The following DAP3 variants were observed in gnomAD, a reference collection of about 807,000 sequenced individuals.
The protein encoded by DAP3 is death associated protein 3.
A neutral mutation model predicts 51.9 loss-of-function variants in DAP3; 28 were observed. The ratio of observed to expected loss-of-function variants is 0.54; its 90% confidence interval spans 0.40 to 0.74. DAP3 has a LOEUF of 0.74. Among genes scored for constraint, DAP3 ranks in the 30% least tolerant of loss-of-function variants. The pLI, the probability that DAP3 is intolerant of heterozygous loss-of-function variation, is 0.00. For missense variants in DAP3, 458 were observed against 483.5 expected, an observed-to-expected ratio of 0.95 and a Z score of 0.49; for synonymous variants, 170 against 170.3, an observed-to-expected ratio of 1.00 and a Z score of 0.01.
Position 155,738,242 on chromosome 1 carries a change from A to AGCC in DAP3, c.*1_*3dup. ...TGGAGCGGCACTGTGCCTACCTCTA[A>AGCC]GCCAAGATCACAGCATGTGAGGAAG... On this transcript the variant is annotated 3_prime_UTR_variant, in exon 13 of 13. Coordinates refer to ENST00000368336, the MANE Select transcript of DAP3 (RefSeq NM_004632.4). 1 of 1,614,192 alleles carries AGCC rather than the reference A, an allele frequency of 6.2e-7. No homozygotes were observed. The highest frequency in any genetic ancestry group is 1.1e-5 in the South Asian group (1 of 91,080).
chr1:155,735,864 A>G (rs1169311139), intron 11 of DAP3, among the ~76,000 whole-genome samples: 1 of 119,158 alleles, frequency 8.4e-6, no homozygotes, highest in African/African-American at 3.5e-5. Context: ...TTTTTTTGAG[A>G]TGGAGTCTTG....
chr1:155,732,760 C>T (rs1237988304), intron 11 of DAP3, among the ~76,000 whole-genome samples: 1 of 152,052 alleles, frequency 6.6e-6, no homozygotes, highest in Non-Finnish European at 1.5e-5. Context: ...TGCGGTGGCT[C>T]ATGCCTGTAA....
At chr1:155,710,217 A>G (rs1194488570) in intron 2 of DAP3, 2 of 158,662 alleles carry the variant, frequency 1.3e-5, no homozygotes, top group Non-Finnish European at 2.7e-5. Context: ...TTTACCAAAT[A>G]GTTTTTCAGT....
intron 3 of DAP3, among the ~76,000 whole-genome samples, chr1:155,718,075 G>C (rs1657530192): frequency 6.6e-6 from 1 of 152,124 alleles, no homozygotes; most frequent in Admixed American, 6.6e-5. Flanking sequence ...ATCTCAGCAG[G>C]GTGTGTTTTA....
chr1:155,726,059 G>T, intron 6 of DAP3, 40 bp downstream of exon 6: 3 of 1,487,742 alleles, frequency 2.0e-6, no homozygotes, highest in Non-Finnish European at 2.8e-6. Context: ...GTTAGGTTTA[G>T]TTATCCTGTT....
chr1:155,721,424 A>T, intron 3 of DAP3, 93 bp from the exon 4 acceptor site: 1 of 758,212 alleles, frequency 1.3e-6, no homozygotes, highest in Non-Finnish European at 2.2e-6. Context: ...ATATACACAT[A>T]GACATACATA....
intron 1 of DAP3, among the ~76,000 whole-genome samples, chr1:155,694,864 C>T (rs1196160771): frequency 6.6e-6 from 1 of 152,154 alleles, no homozygotes; most frequent in Non-Finnish European, 1.5e-5. Context: ...GTTAAATGCT[C>T]TTCAGCTGCT....
upstream of DAP3, chr1:155,688,641 G>A: frequency 6.5e-7 from 1 of 1,534,282 alleles, no homozygotes; most frequent in Non-Finnish European, 8.7e-7. Context: ...CGGCTCCAGC[G>A]CAGGCCCTCA....
intron 3 of DAP3, among the ~76,000 whole-genome samples, chr1:155,718,883 A>G (rs1359241416): frequency 1.3e-5 from 2 of 152,148 alleles, no homozygotes; most frequent in Non-Finnish European, 2.9e-5. Flanking sequence ...TTATCTGCCA[A>G]TTCCTCTGGG....
At chr1:155,729,947 G>A (rs1463077702) in intron 9 of DAP3, among the ~76,000 whole-genome samples, 3 of 151,744 alleles carry the variant, frequency 2.0e-5, no homozygotes, top group African/African-American at 4.8e-5. Context: ...GGGCATGGTG[G>A]TGCATGACTG....
chr1:155,712,236 C>T (rs1294985430), intron 2 of DAP3, among the ~76,000 whole-genome samples: 2 of 152,132 alleles, frequency 1.3e-5, no homozygotes, highest in Non-Finnish European at 2.9e-5. Context: ...TGTACAGAGG[C>T]AATTGTACAG....
At chr1:155,708,540 GTTTTTTTT>G (rs151238139) in intron 1 of DAP3, among the ~76,000 whole-genome samples, 1 of 103,266 alleles carries the variant, frequency 9.7e-6, no homozygotes, top group Admixed American at 1.0e-4. Context: ...TTCTGTTTTT[GTTTTTTTT>G]TTTTTTTTTT....
chr1:155,693,078 A>G (rs1290584976), intron 1 of DAP3, among the ~76,000 whole-genome samples: 2 of 141,696 alleles, frequency 1.4e-5, no homozygotes, highest in Non-Finnish European at 2.9e-5. Context: ...CTGTGAGGAT[A>G]TGAATGGAAG....
chr1:155,731,497 C>T, intron 10 of DAP3, 82 bp downstream of exon 10: 2 of 1,371,282 alleles, frequency 1.5e-6, no homozygotes, highest in East Asian at 2.3e-5. Flanking sequence ...ATTGCTAATA[C>T]TTTACAGTCT....
At chr1:155,712,612 CAAAAAAAAA>C (rs61338392) in intron 2 of DAP3, among the ~76,000 whole-genome samples, 1 of 55,520 alleles carries the variant, frequency 1.8e-5, no homozygotes, top group Non-Finnish European at 3.4e-5. Context: ...AACTCCGTCT[CAAAAAAAAA>C]AAAAAAAAAA....
At chr1:155,725,817 T>G (rs1000103489) in intron 5 of DAP3, 110 bp from the exon 6 acceptor site, 1 of 943,798 alleles carries the variant, frequency 1.1e-6, no homozygotes, top group East Asian at 2.6e-5. Context: ...TGAGCTGATA[T>G]CAAGCCACTG....
At chr1:155,713,416 A>G (rs1253470116) in intron 2 of DAP3, among the ~76,000 whole-genome samples, 1 of 152,244 alleles carries the variant, frequency 6.6e-6, no homozygotes, top group Non-Finnish European at 1.5e-5. Flanking sequence ...ATTAAAATCT[A>G]CAAGTAATGG....
chr1:155,720,907 C>T (rs1053581249), intron 3 of DAP3, among the ~76,000 whole-genome samples: 1 of 151,908 alleles, frequency 6.6e-6, no homozygotes, highest in Non-Finnish European at 1.5e-5. Context: ...CGTGGTGGCG[C>T]GTGCCTGTAG....
intron 4 of DAP3, chr1:155,721,898 TG>T: frequency 1.9e-6 from 1 of 519,502 alleles, no homozygotes; most frequent in Non-Finnish European, 3.4e-6. Flanking sequence ...CAAAATATCA[TG>T]AAAATAGTTA....
Sources: gnomAD v4.1 joint callset for allele counts (sites outside exome capture counted in the v4.1 genomes callset) on GRCh38, gnomAD v4.1.1 for gene constraint, MANE v1.5 for transcripts, NCBI Gene and HGNC (gene_info 2026-07-23, HGNC 2026-07-21) for gene names.